Variants in TMEM135 observed in about 807,000 individuals in gnomAD.
TMEM135 encodes peroxisomal membrane protein 52.
A neutral mutation model predicts 60.3 loss-of-function variants in TMEM135; 30 were observed. That is an observed-to-expected ratio of 0.50 (90% CI 0.37 to 0.68). TMEM135 has a LOEUF of 0.68. Among genes scored for constraint, TMEM135 ranks in the 30% least tolerant of loss-of-function variants. The pLI is 0.00. For missense variants in TMEM135, 468 were observed against 548.8 expected (o/e 0.85, Z 1.47); for synonymous variants, 190 against 186.7 (o/e 1.02, Z -0.14).
chr11:87,159,376 T>C (rs1303126330), intron 5 of TMEM135, among the ~76,000 whole-genome samples: 1 of 152,210 alleles, frequency 6.6e-6, no homozygotes, highest in Admixed American at 6.5e-5. Context: ...ATTTCTTTTT[T>C]TCCCCACTGA....
chr11:87,039,230 G>A (rs1406114678), intron 1 of TMEM135, among the ~76,000 whole-genome samples: 1 of 152,210 alleles, frequency 6.6e-6, no homozygotes, highest in Non-Finnish European at 1.5e-5. Context: ...AGATAACACA[G>A]GAGAAGGTGA....
chr11:87,149,517 G>T (rs1938501310), intron 4 of TMEM135, among the ~76,000 whole-genome samples: 2 of 152,194 alleles, frequency 1.3e-5, no homozygotes, highest in Non-Finnish European at 2.9e-5. Context: ...TTTTAACACA[G>T]ACAACAGATT....
chr11:87,156,966 T>C (rs546457336), intron 4 of TMEM135, among the ~76,000 whole-genome samples: 84 of 152,290 alleles, frequency 5.5e-4, no homozygotes, highest in African/African-American at 1.9e-3. Context: ...TCTTAAAAGA[T>C]TGTGATTATG....
rs57019125 is a variant in TMEM135 at position 87,099,682 on chromosome 11, G to GTTTTTT, written c.396+8302_396+8307dup. 1.4e-3 allele frequency among the ~76,000 whole-genome samples: 149 copies of GTTTTTT among 109,358 alleles called. 1 individual carries two copies. Among genetic ancestry groups the GTTTTTT allele is most frequent in the African/African-American group, 1.7e-3 (48 of 28,968 alleles). The allele number at this position is 109,358 out of a possible 152,430, so 71.7% of individuals were successfully genotyped here. On this transcript the variant is annotated intron_variant, in intron 4 of 14. Transcript: ENST00000305494. ...TATTGTGGTTACATGTTTCATGGTG[G>GTTTTTT]TTTTTTTTTTTTTTTTTTTTGAGGC...
intron 5 of TMEM135, among the ~76,000 whole-genome samples, chr11:87,175,930 G>A (rs572048645): frequency 2.6e-5 from 4 of 152,120 alleles, no homozygotes; most frequent in East Asian, 1.9e-4. Flanking sequence ...TGAGTTCAGC[G>A]GCAAGTAACT....
At chr11:87,135,670 G>A (rs185632719) in intron 4 of TMEM135, among the ~76,000 whole-genome samples, 2 of 152,020 alleles carry the variant, frequency 1.3e-5, no homozygotes, top group East Asian at 1.9e-4. Flanking sequence ...CAGTCATGTA[G>A]TATTAGTCTT....
At chr11:87,120,548 T>G (rs1275676101) in intron 4 of TMEM135, among the ~76,000 whole-genome samples, 1 of 141,308 alleles carries the variant, frequency 7.1e-6, no homozygotes, top group Non-Finnish European at 1.5e-5. Context: ...CTCGGCTCAC[T>G]GCAACCTCCA....
Position 87,309,525 on chromosome 11 carries a change from C to T in TMEM135, c.789C>T (p.Ser263=), listed in dbSNP as rs1942606456. The part of the protein sequence containing the change: ...YCIKGFIRMF[S]VGYLIQCCLR... ...TCTAGGGTTTCATCAGAATGTTTAG[C>T]GTGGGGTACTTGATCCAGTGCTGCC... The change falls in exon 10 of 15, where the codon AGC becomes AGT. Residue 263 remains serine (S), a synonymous_variant. Transcript: ENST00000305494. The T allele has an allele frequency of 3.7e-6, 6 of 1,613,670 alleles. No homozygotes were observed. Among genetic ancestry groups the T allele is most frequent in the African/African-American group, 1.3e-5 (1 of 75,014 alleles).
chr11:87,163,633 A>C (rs1191860956), intron 5 of TMEM135, among the ~76,000 whole-genome samples: 2 of 151,914 alleles, frequency 1.3e-5, no homozygotes, highest in African/African-American at 4.8e-5. Flanking sequence ...ACAATGGTTG[A>C]ACTAATTTAC....
intron 6 of TMEM135, among the ~76,000 whole-genome samples, chr11:87,274,226 T>C (rs904759879): frequency 2.6e-5 from 4 of 152,142 alleles, no homozygotes; most frequent in African/African-American, 7.2e-5. Context: ...AATAACTAAA[T>C]AACTCTAGCT....
intron 8 of TMEM135, 109 bp from the exon 9 acceptor site, chr11:87,305,827 C>CTTT (rs199727648): frequency 1.8e-4 from 74 of 421,016 alleles, no homozygotes; most frequent in African/African-American, 2.8e-4. Flanking sequence ...TCTTCTCTCT[C>CTTT]TTTTTTTTTT....
chr11:87,283,271 T>A (rs2135422227), intron 6 of TMEM135, among the ~76,000 whole-genome samples: 1 of 151,256 alleles, frequency 6.6e-6, no homozygotes, highest in African/African-American at 2.4e-5. Flanking sequence ...AGGTGGAGGT[T>A]GCAGTGAGCC....
At chr11:87,178,760 C>G (rs921150595) in intron 5 of TMEM135, among the ~76,000 whole-genome samples, 2 of 151,628 alleles carry the variant, frequency 1.3e-5, no homozygotes, top group South Asian at 4.2e-4. Context: ...CATATCAGTA[C>G]TTTTTTTTTC....
rs140395785 is a variant in TMEM135 at position 87,327,732 on chromosome 11, C to G, written c.*6399C>G. ...GAAACTGATGGTGTAATTCTCAGTC[C>G]AAGGCTGAATTTTCAAGTCTGAGAA... On this transcript the variant is annotated 3_prime_UTR_variant, in exon 15 of 15. Coordinates refer to ENST00000305494, the MANE Select transcript of TMEM135 (RefSeq NM_022918.4). The G allele has an allele frequency of 2.4e-3, 1,101 of 453,822 alleles. 13 individuals are homozygous for G. The highest frequency in any genetic ancestry group is 0.02 in the African/African-American group (1,017 of 50,018). The allele number at this position is 453,822 out of a possible 1,614,324, so 28.1% of individuals were successfully genotyped here. A position where few individuals can be genotyped will look rare whatever the true frequency, so the allele number is the denominator to read the frequency against.
intron 6 of TMEM135, among the ~76,000 whole-genome samples, chr11:87,241,833 T>C (rs943895999): frequency 5.7e-5 from 7 of 122,256 alleles, no homozygotes; most frequent in African/African-American, 2.1e-4. Context: ...TTGCTGCAAA[T>C]GACAGCCTTT....
rs191069177 is a variant in TMEM135, at chr11:87,115,060, A to G, written c.396+23665A>G. ...TTGGAGGAATGTTGAATGTTGAGCTATGTAAGAGAAGCTCTAGTCAAAGAT... is the reference window on the plus strand; with the variant it reads ...TTGGAGGAATGTTGAATGTTGAGCTGTGTAAGAGAAGCTCTAGTCAAAGAT... On this transcript the variant is annotated intron_variant, in intron 4 of 14. Coordinates refer to ENST00000305494, the MANE Select transcript of TMEM135 (RefSeq NM_022918.4). Among the ~76,000 whole-genome samples the G allele has an allele frequency of 1.6e-4, 24 of 152,316 alleles. No individual in the cohort carries two copies. In the East Asian group the frequency reaches 2.3e-3, roughly 15 times the overall value.
At chr11:87,244,978 G>A (rs1277990911) in intron 6 of TMEM135, among the ~76,000 whole-genome samples, 1 of 151,614 alleles carries the variant, frequency 6.6e-6, no homozygotes, top group Non-Finnish European at 1.5e-5. Context: ...GTTTTCTCTT[G>A]TGGGCATTTA....
intron 4 of TMEM135, among the ~76,000 whole-genome samples, chr11:87,103,641 A>C (rs1315292530): frequency 6.6e-6 from 1 of 151,774 alleles, no homozygotes; most frequent in East Asian, 1.9e-4. Flanking sequence ...ATTTTCTCCT[A>C]ATCTTTGGAA....
chr11:87,056,069 G>A (rs1327658465), intron 1 of TMEM135, among the ~76,000 whole-genome samples: 2 of 152,146 alleles, frequency 1.3e-5, no homozygotes, highest in African/African-American at 4.8e-5. Context: ...GGTGTGCTCT[G>A]CTACAAGGGT....
Sources: allele counts gnomAD v4.1 joint callset (sites outside exome capture counted in the v4.1 genomes callset), GRCh38; gene constraint gnomAD v4.1.1; transcripts MANE v1.5; gene names NCBI Gene and HGNC (gene_info 2026-07-23, HGNC 2026-07-21).